MND1: variants seen among roughly 807,000 people sequenced by gnomAD.
MND1 encodes meiotic nuclear division protein 1 homolog.
Under a neutral mutation model 35.1 loss-of-function variants are expected in MND1, and 28 were observed. That is an observed-to-expected ratio of 0.80 (90% CI 0.59 to 1.09). The LOEUF (loss-of-function observed/expected upper bound fraction) is 1.09. Ranked by LOEUF, MND1 falls within the 50% of genes least tolerant of loss-of-function variation. The pLI is 0.00. For synonymous variants in MND1, 69 were observed against 70.5 expected (o/e 0.98, Z 0.11); for missense variants, 213 against 239.6 (o/e 0.89, Z 0.73).
rs369671768 is a variant in MND1, at chr4:153,344,752, G to C, written c.3+12G>C. On this transcript the variant is annotated intron_variant, in intron 1 of 7. Coordinates refer to ENST00000240488, the MANE Select transcript of MND1 (RefSeq NM_032117.4). Reference sequence around the variant, plus strand: ...GCGCCCGCGCCATGGTAAGGACTGAGGCTACGGTCCCGCGTCTTCTTCCTC... The same window carrying C: ...GCGCCCGCGCCATGGTAAGGACTGACGCTACGGTCCCGCGTCTTCTTCCTC... 2.6e-5 allele frequency: 42 copies of C among 1,601,276 alleles called. No homozygotes were observed. The highest frequency in any genetic ancestry group is 3.4e-5 in the Non-Finnish European group (40 of 1,175,118).
intron 4 of MND1, among the ~76,000 whole-genome samples, chr4:153,378,689 G>A (rs1009675553): frequency 2.6e-5 from 4 of 152,176 alleles, no homozygotes; most frequent in Admixed American, 6.5e-5. Context: ...TATATTCTAT[G>A]TTGATACCTG....
intron 4 of MND1, among the ~76,000 whole-genome samples, chr4:153,375,642 G>A (rs921745666): frequency 3.9e-5 from 6 of 152,034 alleles, no homozygotes; most frequent in African/African-American, 1.4e-4. Context: ...TTGTGTACAT[G>A]TACACCAAGC....
Position 153,371,518 on chromosome 4 carries a change from A to G in MND1, c.276+12896A>G, listed in dbSNP as rs566294992. On this transcript the variant is annotated intron_variant, in intron 4 of 7. Coordinates refer to ENST00000240488, the MANE Select transcript of MND1 (RefSeq NM_032117.4). The stretch of plus-strand genomic sequence containing the variant: ...CGTCTTGCACTTTTACATTATGGAG[A>G]TGGCCTCTTTCCTTAAACTTTATGA... Among the ~76,000 whole-genome samples the G allele has an allele frequency of 5.3e-5, 8 of 152,158 alleles. No homozygotes were observed. The South Asian group carries it at 1.5e-3, about 28-fold the overall frequency.
chr4:153,358,656 T>A, intron 4 of MND1, 34 bp downstream of exon 4: 1 of 1,590,026 alleles, frequency 6.3e-7, no homozygotes, highest in Non-Finnish European at 8.5e-7. Flanking sequence ...ATAGAGTTGC[T>A]TTATAACGGA....
chr4:153,350,997 TAAG>T (rs1773204653), intron 2 of MND1, among the ~76,000 whole-genome samples: 1 of 149,162 alleles, frequency 6.7e-6, no homozygotes, highest in Non-Finnish European at 1.5e-5. Flanking sequence ...ATTTGCCCAC[TAAG>T]TATAATCTTA....
chr4:153,394,646 G>A (rs186747915), intron 5 of MND1, among the ~76,000 whole-genome samples: 103 of 152,184 alleles, frequency 6.8e-4, no homozygotes, highest in African/African-American at 1.8e-3. Context: ...ACTTCATTGC[G>A]TTATTGTGTG....
intron 2 of MND1, among the ~76,000 whole-genome samples, chr4:153,351,086 G>A (rs1773206858): frequency 1.3e-5 from 2 of 152,112 alleles, no homozygotes; most frequent in South Asian, 4.1e-4. Flanking sequence ...AGATAAATTG[G>A]TGAAGTCTCT....
intron 6 of MND1, among the ~76,000 whole-genome samples, chr4:153,397,859 C>T (rs970674647): frequency 5.3e-5 from 8 of 151,902 alleles, no homozygotes; most frequent in Non-Finnish European, 7.4e-5. Flanking sequence ...CATTGAACAG[C>T]GACAATTTTG....
At chr4:153,396,209 T>C (rs1389495715) in intron 5 of MND1, among the ~76,000 whole-genome samples, 1 of 152,162 alleles carries the variant, frequency 6.6e-6, no homozygotes, top group Non-Finnish European at 1.5e-5. Flanking sequence ...AGTGGCCACA[T>C]TGCATATATT....
chr4:153,382,664 T>A (rs1728741417), intron 4 of MND1, among the ~76,000 whole-genome samples: 1 of 152,264 alleles, frequency 6.6e-6, no homozygotes, highest in African/African-American at 2.4e-5. Flanking sequence ...TTTAAGTTAA[T>A]TCTATTTAAG....
chr4:153,378,055 G>C (rs1039763559), intron 4 of MND1, among the ~76,000 whole-genome samples: 2 of 152,042 alleles, frequency 1.3e-5, no homozygotes, highest in Non-Finnish European at 2.9e-5. Context: ...TATCTCCCAC[G>C]TGGAATGCAG....
intron 2 of MND1, among the ~76,000 whole-genome samples, chr4:153,353,562 T>G (rs1010161106): frequency 1.3e-5 from 2 of 151,322 alleles, no homozygotes; most frequent in Non-Finnish European, 2.9e-5. Context: ...TGCGATTATT[T>G]TAATCTAGTT....
At chr4:153,376,485 A>G (rs548621890) in intron 4 of MND1, among the ~76,000 whole-genome samples, 1 of 152,294 alleles carries the variant, frequency 6.6e-6, no homozygotes, top group South Asian at 2.1e-4. Flanking sequence ...CTTCAAGGGA[A>G]TGACTTCCTC....
At chr4:153,412,949 C>T (rs187339151) in intron 7 of MND1, among the ~76,000 whole-genome samples, 38 of 151,988 alleles carry the variant, frequency 2.5e-4, no homozygotes, top group Non-Finnish European at 4.9e-4. Context: ...GGACTACAGG[C>T]GCACACCACC....
At chr4:153,369,996 C>G (rs977181706) in intron 4 of MND1, among the ~76,000 whole-genome samples, 2 of 152,030 alleles carry the variant, frequency 1.3e-5, no homozygotes, top group African/African-American at 4.8e-5. Flanking sequence ...GAAGCAATTC[C>G]TAGGACCAGG....
At chr4:153,379,870 A>C (rs1183423864) in intron 4 of MND1, among the ~76,000 whole-genome samples, 1 of 150,460 alleles carries the variant, frequency 6.6e-6, no homozygotes, top group African/African-American at 2.4e-5. Context: ...AAAAAAAAAA[A>C]AAAAAATCAG....
intron 2 of MND1, 139 bp from the exon 3 acceptor site, chr4:153,355,515 T>C (rs776623449): frequency 1.2e-5 from 7 of 603,366 alleles, no homozygotes; most frequent in Non-Finnish European, 2.1e-5. Flanking sequence ...ACACATTGTA[T>C]ACCTATATCA....
At chr4:153,394,202 A>G (rs2149652993) in intron 4 of MND1, 60 bp from the exon 5 acceptor site, 12 of 1,520,818 alleles carry the variant, frequency 7.9e-6, no homozygotes, top group Non-Finnish European at 9.9e-6. Context: ...CTTTGTTTTC[A>G]TCAACTACTA....
At chr4:153,360,600 G>GTATA (rs1348141318) in intron 4 of MND1, among the ~76,000 whole-genome samples, 71 of 144,296 alleles carry the variant, frequency 4.9e-4, no homozygotes, top group African/African-American at 1.8e-3. Context: ...GTGTGTGTGT[G>GTATA]TGTGTGTATA....
Sources: gnomAD v4.1 joint callset for allele counts (sites outside exome capture counted in the v4.1 genomes callset) on GRCh38, gnomAD v4.1.1 for gene constraint, MANE v1.5 for transcripts, NCBI Gene and HGNC (gene_info 2026-07-23, HGNC 2026-07-21) for gene names.